Variants in GALNT13 observed in about 807,000 individuals in gnomAD.
GALNT13 encodes UDP-GalNAc:polypeptide N-acetylgalactosaminyltransferase 13.
A neutral mutation model predicts 64.2 loss-of-function variants in GALNT13; 28 were observed. The ratio of observed to expected loss-of-function variants is 0.44; its 90% confidence interval spans 0.32 to 0.60. The LOEUF (loss-of-function observed/expected upper bound fraction) is 0.60. GALNT13 is among the 20% of genes least tolerant of loss of function. The probability of loss-of-function intolerance (pLI) is 0.05; values close to 1 mark genes in which losing one functional copy is unlikely to be tolerated. For missense variants in GALNT13, 577 were observed against 669.8 expected (o/e 0.86, Z 1.53); for synonymous variants, 214 against 224.6 (o/e 0.95, Z 0.42).
intron 3 of GALNT13, among the ~76,000 whole-genome samples, chr2:154,041,062 A>G (rs1698948737): frequency 7.1e-6 from 1 of 140,274 alleles, no homozygotes; most frequent in South Asian, 2.3e-4. Flanking sequence ...TGTTCATTAA[A>G]AAAAGGAAAC....
At chr2:153,798,612 G>C in the GALNT13 span, among the ~76,000 whole-genome samples, 1 of 152,174 alleles carries the variant, frequency 6.6e-6, no homozygotes, top group East Asian at 1.9e-4. Flanking sequence ...ATTACCTCCT[G>C]TTTCCTAATA....
chr2:153,253,037 T>C, the GALNT13 span, among the ~76,000 whole-genome samples: 6 of 151,822 alleles, frequency 4.0e-5, no homozygotes, highest in Non-Finnish European at 7.4e-5. Flanking sequence ...GGTGATGGCA[T>C]TGAATCTGTA....
At chr2:153,222,721 T>C in the GALNT13 span, among the ~76,000 whole-genome samples, 1 of 152,286 alleles carries the variant, frequency 6.6e-6, no homozygotes, top group East Asian at 1.9e-4. Flanking sequence ...GCGGCTGGTG[T>C]GTCAGCGCTG....
chr2:153,392,815 A>G, the GALNT13 span, among the ~76,000 whole-genome samples: 2 of 151,978 alleles, frequency 1.3e-5, no homozygotes, highest in African/African-American at 4.8e-5. Flanking sequence ...TTAATCTCCA[A>G]TGCAATCATA....
intron 2 of GALNT13, among the ~76,000 whole-genome samples, chr2:153,943,489 G>A (rs756654454): frequency 3.2e-5 from 4 of 124,178 alleles, no homozygotes; most frequent in African/African-American, 5.9e-5. Flanking sequence ...TTATTTTTAC[G>A]TATGTATGTA....
chr2:154,256,431 A>G (rs575937509), intron 7 of GALNT13, among the ~76,000 whole-genome samples: 1 of 152,316 alleles, frequency 6.6e-6, no homozygotes, highest in East Asian at 1.9e-4. Context: ...AAGGAACCAT[A>G]ATCACCAATA....
intron 10 of GALNT13, among the ~76,000 whole-genome samples, chr2:154,407,345 A>G (rs972494039): frequency 1.3e-5 from 2 of 152,172 alleles, no homozygotes; most frequent in Non-Finnish European, 2.9e-5. Flanking sequence ...TTTTCAAGAA[A>G]TCTTCCTTTT....
rs1691060616 is a variant in GALNT13 at position 154,267,234 on chromosome 2, GAGA to G, written c.975+8101_975+8103del. 2.0e-5 allele frequency among the ~76,000 whole-genome samples: 3 copies of G among 152,136 alleles called. No individual in the cohort carries two copies. In the South Asian group the frequency reaches 6.2e-4, roughly 32 times the overall value. On this transcript the variant is annotated intron_variant, in intron 8 of 12. Coordinates refer to ENST00000392825, the MANE Select transcript of GALNT13 (RefSeq NM_052917.4). ...TATAAAATTATAAAAGAAAACATAGGAGAAGAACTTGTGTAACCATTGATTAGA... is the reference window on the plus strand; with the variant it reads ...TATAAAATTATAAAAGAAAACATAGGAGAACTTGTGTAACCATTGATTAGA...
the GALNT13 span, among the ~76,000 whole-genome samples, chr2:153,576,055 G>A: frequency 6.6e-6 from 1 of 152,124 alleles, no homozygotes; most frequent in Non-Finnish European, 1.5e-5. Context: ...TGAATTCCAG[G>A]AGCTCAGACC....
intron 11 of GALNT13, among the ~76,000 whole-genome samples, chr2:154,425,025 T>G (rs1700411915): frequency 6.6e-6 from 1 of 152,232 alleles, no homozygotes; most frequent in Admixed American, 6.5e-5. Context: ...TTTTGAATAT[T>G]GTGTCCGGTG....
chr2:154,130,545 G>GAT (rs1175484937), intron 3 of GALNT13, among the ~76,000 whole-genome samples: 1 of 152,030 alleles, frequency 6.6e-6, no homozygotes, highest in African/African-American at 2.4e-5. Flanking sequence ...TTTTGTGAAA[G>GAT]ATATATATAT....
chr2:153,789,927 G>C, the GALNT13 span, among the ~76,000 whole-genome samples: 1 of 152,016 alleles, frequency 6.6e-6, no homozygotes, highest in Non-Finnish European at 1.5e-5. Context: ...CTCCAAAATT[G>C]ACTCAATAAT....
chr2:154,439,228 G>GT (rs904041397), intron 12 of GALNT13, among the ~76,000 whole-genome samples: 4 of 152,154 alleles, frequency 2.6e-5, no homozygotes, highest in African/African-American at 9.7e-5. Context: ...CACATAAAAA[G>GT]TTGAGTAGCC....
chr2:153,741,381 TTAAGA>T, the GALNT13 span, among the ~76,000 whole-genome samples: 1 of 152,076 alleles, frequency 6.6e-6, no homozygotes, highest in Non-Finnish European at 1.5e-5. Flanking sequence ...CCTCTGCTCT[TTAAGA>T]TATTTTTCTT....
the GALNT13 span, among the ~76,000 whole-genome samples, chr2:153,249,189 A>T: frequency 2.0e-5 from 3 of 152,380 alleles, no homozygotes; most frequent in East Asian, 5.8e-4. Flanking sequence ...AAGTTTCAGG[A>T]TGCAAAATCA....
the GALNT13 span, among the ~76,000 whole-genome samples, chr2:153,486,607 T>G: frequency 1.8e-3 from 278 of 152,324 alleles, no homozygotes; most frequent in African/African-American, 6.3e-3. Context: ...CTCTCTCATC[T>G]GTTAATATTT....
At position 154,242,754 on chromosome 2, in the gene GALNT13, A is replaced by G; in HGVS notation, c.535A>G (p.Ile179Val). The G allele has an allele frequency of 6.2e-7, 1 of 1,614,012 alleles. No homozygotes were observed. Among genetic ancestry groups the G allele is most frequent in the Non-Finnish European group, 8.5e-7 (1 of 1,179,852 alleles). ...YVKNLEVPVK[I>V]IRMEERSGLI... Reference sequence around the variant, plus strand: ...GAAAAATTTAGAAGTGCCAGTAAAAATTATTAGGATGGAAGAACGCTCTGG... The same window carrying G: ...GAAAAATTTAGAAGTGCCAGTAAAAGTTATTAGGATGGAAGAACGCTCTGG... Residue 179 changes from isoleucine (I) to valine (V), a missense_variant, in exon 6 of 13, where the codon ATT (isoleucine) becomes GTT (valine). Transcript: ENST00000392825.
intron 3 of GALNT13, among the ~76,000 whole-genome samples, chr2:154,093,912 T>G (rs1031250280): frequency 3.3e-5 from 5 of 151,692 alleles, no homozygotes; most frequent in African/African-American, 1.2e-4. Context: ...CGATAAAAGC[T>G]GTCATGTAAT....
the GALNT13 span, among the ~76,000 whole-genome samples, chr2:153,578,640 G>A: frequency 1.3e-5 from 2 of 152,298 alleles, no homozygotes; most frequent in African/African-American, 4.8e-5. Flanking sequence ...CACAAAATGA[G>A]AACAAAACCT....
Sources: allele counts gnomAD v4.1 joint callset (sites outside exome capture counted in the v4.1 genomes callset), GRCh38; gene constraint gnomAD v4.1.1; transcripts MANE v1.5; gene names NCBI Gene and HGNC (gene_info 2026-07-23, HGNC 2026-07-21).